The following GK5 variants were observed in gnomAD, a reference collection of about 807,000 sequenced individuals.
GK5 encodes the protein ATP:glycerol 3-phosphotransferase 5.
GK5 carries 39 observed loss-of-function variants against 77.3 expected under a neutral mutation model. The ratio of observed to expected loss-of-function variants is 0.50; its 90% confidence interval spans 0.39 to 0.66. The LOEUF (loss-of-function observed/expected upper bound fraction) is 0.66, where lower values mean the gene tolerates loss of function less well. Ranked by LOEUF, GK5 falls within the 30% of genes least tolerant of loss-of-function variation. GK5 has a pLI of 0.00. For synonymous variants in GK5, 211 were observed against 208.0 expected (o/e 1.01, Z -0.13); for missense variants, 487 against 633.8 (o/e 0.77, Z 2.49).
In GK5 at chr3:142,163,778, T is replaced by C. The variant is rs1396737220; in HGVS notation, c.*1844A>G. The C allele has an allele frequency of 1.3e-5, 2 of 151,924 alleles. No homozygotes were observed. Among genetic ancestry groups the C allele is most frequent in the African/African-American group, 4.8e-5 (2 of 41,354 alleles). 9.4% of individuals were successfully genotyped at this position (151,924 alleles called of 1,614,324 possible). A position where few individuals can be genotyped will look rare whatever the true frequency, so the allele number is the denominator to read the frequency against. ...TGGGAGGCCAAGGTGGGAGGATCAC[T>C]TGAGGCCAGGAATTAAAGACTACCC... is the stretch of plus-strand genomic sequence containing the variant. On this transcript the variant is annotated 3_prime_UTR_variant, in exon 16 of 16. Transcript: ENST00000392993.
chr3:142,216,680 C>T (rs2064280570), intron 1 of GK5, among the ~76,000 whole-genome samples: 1 of 152,120 alleles, frequency 6.6e-6, no homozygotes, highest in South Asian at 2.1e-4. Context: ...GAGGGAGGAA[C>T]TTGGAAAAGA....
chr3:142,171,275 G>A (rs1455585183), intron 14 of GK5, 144 bp downstream of exon 14: 28 of 712,196 alleles, frequency 3.9e-5, no homozygotes, highest in Non-Finnish European at 5.1e-5. Context: ...TTGTGAAGGA[G>A]CTAAGCAGAA....
In GK5 at chr3:142,157,659, A is replaced by G. The variant is rs1287053377; in HGVS notation, c.*7963T>C. ...GCTAGGCTAATTCCATCATATTAGT[A>G]TATGAAATTATCTTTTCTCCAGTTA... is the stretch of plus-strand genomic sequence containing the variant. On this transcript the variant is annotated 3_prime_UTR_variant, in exon 16 of 16. Coordinates refer to ENST00000392993, the MANE Select transcript of GK5 (RefSeq NM_001039547.3). The G allele has an allele frequency of 4.6e-5, 7 of 152,256 alleles. No homozygotes were observed. Among genetic ancestry groups the G allele is most frequent in the Non-Finnish European group, 4.4e-5 (3 of 68,048 alleles). The allele number at this position is 152,256 out of a possible 1,614,324, so 9.4% of individuals were successfully genotyped here.
intron 12 of GK5, chr3:142,173,285 T>C: frequency 1.1e-5 from 4 of 374,474 alleles, no homozygotes; most frequent in Admixed American, 3.3e-5. Context: ...CAGCCTAACA[T>C]GTTCTCAAAA....
intron 9 of GK5, among the ~76,000 whole-genome samples, chr3:142,184,260 CAAAAAAAAAAA>C (rs1161704184): frequency 9.4e-5 from 1 of 10,684 alleles, no homozygotes; most frequent in Non-Finnish European, 1.7e-4. Context: ...GACTCTGTCT[CAAAAAAAAAAA>C]AAAAAAAAAA....
rs1286463638 is a variant in GK5, at chr3:142,225,225, C to A, written c.147+84G>T. 26 of 1,388,116 alleles carry A rather than the reference C, an allele frequency of 1.9e-5. No individual in the cohort carries two copies. The African/African-American group carries it at 3.3e-4, about 18-fold the overall frequency. The allele number at this position is 1,388,116 out of a possible 1,614,324, so 86.0% of individuals were successfully genotyped here. A position where few individuals can be genotyped will look rare whatever the true frequency, so the allele number is the denominator to read the frequency against. Reference sequence around the variant, plus strand: ...GCCGCGTCCAGGGCGGTAGGTGGGGCCTGCCCGCTCGCCTCCCGAGGCCGG... The same window carrying A: ...GCCGCGTCCAGGGCGGTAGGTGGGGACTGCCCGCTCGCCTCCCGAGGCCGG... On this transcript the variant is annotated intron_variant, in intron 1 of 15. Coordinates refer to ENST00000392993, the MANE Select transcript of GK5 (RefSeq NM_001039547.3).
At chr3:142,175,708 A>G (rs935070709) in intron 12 of GK5, among the ~76,000 whole-genome samples, 2 of 152,158 alleles carry the variant, frequency 1.3e-5, no homozygotes, top group Non-Finnish European at 2.9e-5. Context: ...TACTGCCAGT[A>G]TATGGGCAGG....
chr3:142,208,979 C>T (rs1283453060), intron 3 of GK5, among the ~76,000 whole-genome samples: 1 of 152,096 alleles, frequency 6.6e-6, no homozygotes, highest in Non-Finnish European at 1.5e-5. Context: ...GAAACCCCGT[C>T]TCTACTAAAA....
intron 1 of GK5, 30 bp from the exon 2 acceptor site, chr3:142,215,722 C>T (rs1449126585): frequency 8.9e-7 from 1 of 1,127,662 alleles, no homozygotes; most frequent in Non-Finnish European, 1.3e-6. Flanking sequence ...TTAGTAAAAA[C>T]AGCATTAGAT....
intron 1 of GK5, 22 bp from the exon 2 acceptor site, chr3:142,215,714 A>G (rs1351828911): frequency 2.4e-6 from 3 of 1,228,796 alleles, no homozygotes; most frequent in Non-Finnish European, 3.6e-6. Flanking sequence ...AAGAAGATTT[A>G]GTAAAAACAG....
At chr3:142,193,488 A>AC (rs1202468124) in intron 5 of GK5, among the ~76,000 whole-genome samples, 2 of 151,506 alleles carry the variant, frequency 1.3e-5, no homozygotes, top group African/African-American at 4.8e-5. Flanking sequence ...TGCTACAAAA[A>AC]AAAAAAAACA....
chr3:142,181,088 T>G (rs1444375524), intron 11 of GK5, among the ~76,000 whole-genome samples: 1 of 152,242 alleles, frequency 6.6e-6, no homozygotes, highest in African/African-American at 2.4e-5. Context: ...CATTTCATTA[T>G]AGTCATTTGA....
intron 15 of GK5, 129 bp from the exon 16 acceptor site, chr3:142,165,899 T>C (rs2063468751): frequency 3.5e-6 from 2 of 576,368 alleles, no homozygotes; most frequent in South Asian, 5.4e-5. Flanking sequence ...CCAAAATACT[T>C]TGTTACTTTT....
At chr3:142,170,219 C>T in intron 15 of GK5, 106 bp downstream of exon 15, 1 of 1,195,746 alleles carries the variant, frequency 8.4e-7, no homozygotes, top group Non-Finnish European at 1.3e-6. Flanking sequence ...TTAATGGACG[C>T]CAAGGCTTTC....
chr3:142,186,602 C>T, intron 6 of GK5, 89 bp from the exon 7 acceptor site: 1 of 519,186 alleles, frequency 1.9e-6, no homozygotes, highest in Non-Finnish European at 3.3e-6. Flanking sequence ...TTTGTCTACC[C>T]TCAAATTCAT....
intron 3 of GK5, among the ~76,000 whole-genome samples, chr3:142,209,654 C>T (rs2064164849): frequency 6.6e-6 from 1 of 152,146 alleles, no homozygotes; most frequent in African/African-American, 2.4e-5. Flanking sequence ...TGGTAAGACT[C>T]ATTAATGTAA....
At chr3:142,166,531 GCA>G in intron 15 of GK5, among the ~76,000 whole-genome samples, 1 of 151,864 alleles carries the variant, frequency 6.6e-6, no homozygotes, top group African/African-American at 2.4e-5. Flanking sequence ...ATAATAAAAA[GCA>G]AGAGAACTTT....
chr3:142,200,102 CACACACACACACACACACAA>C (rs1324675007), intron 4 of GK5, among the ~76,000 whole-genome samples: 1 of 149,876 alleles, frequency 6.7e-6, no homozygotes, highest in Non-Finnish European at 1.5e-5. Context: ...TATATATACA[CACACACACACACACACACAA>C]ACACATACAC....
At chr3:142,187,807 T>C in intron 5 of GK5, 28 bp from the exon 6 acceptor site, 3 of 1,562,618 alleles carry the variant, frequency 1.9e-6, no homozygotes, top group Non-Finnish European at 2.6e-6. Flanking sequence ...ACAAAATCGA[T>C]TCAAAAAGGC....
Sources: allele counts gnomAD v4.1 joint callset (sites outside exome capture counted in the v4.1 genomes callset), GRCh38; gene constraint gnomAD v4.1.1; transcripts MANE v1.5; gene names NCBI Gene and HGNC (gene_info 2026-07-23, HGNC 2026-07-21).